ARAP2: variants seen among roughly 807,000 people sequenced by gnomAD.
The protein encoded by ARAP2 is arf-GAP with Rho-GAP domain, ANK repeat and PH domain-containing protein 2.
In ARAP2, 148 loss-of-function variants were observed where a neutral mutation model predicts 194.5. The observed-to-expected ratio is 0.76, with a 90% confidence interval of 0.67 to 0.87. ARAP2 has a LOEUF of 0.87. Ranked by LOEUF, ARAP2 falls within the 40% of genes least tolerant of loss-of-function variation. The pLI is 0.00. For missense variants in ARAP2, 2,128 were observed against 1,989.7 expected, an observed-to-expected ratio of 1.07 and a Z score of -1.32; for synonymous variants, 695 against 683.5, an observed-to-expected ratio of 1.02 and a Z score of -0.26.
intron 6 of ARAP2, among the ~76,000 whole-genome samples, chr4:36,208,943 G>A (rs1746146559): frequency 6.6e-6 from 1 of 152,108 alleles, no homozygotes. Flanking sequence ...AGAATAGAAA[G>A]AATGGAAAGT....
At chr4:36,014,283 A>AG (rs1240394949) in intron 8 of ARAP2, among the ~76,000 whole-genome samples, 9 of 144,900 alleles carry the variant, frequency 6.2e-5, no homozygotes, top group Admixed American at 1.4e-4. Flanking sequence ...GAAAGAAAGA[A>AG]AGAAAGAAAG....
chr4:36,038,431 C>T (rs762669203), intron 5 of ARAP2, among the ~76,000 whole-genome samples: 28 of 152,132 alleles, frequency 1.8e-4, no homozygotes, highest in Non-Finnish European at 3.2e-4. Context: ...TGTAAAATAG[C>T]ACCTATATTT....
rs896667372 is a variant in ARAP2 at position 36,196,359 on chromosome 4, C to G, written c.1488-2712G>C. ...TCATGTGTTAGGCTTAAGGATCAGT[C>G]GAAGATGCAGCATCTGACTAGCTAC... On this transcript the variant is annotated intron_variant, in intron 6 of 32. Transcript: ENST00000303965. Among the ~76,000 whole-genome samples the G allele has an allele frequency of 2.0e-5, 3 of 152,222 alleles. No homozygotes were observed. In the South Asian group the frequency reaches 6.2e-4, roughly 32 times the overall value.
At chr4:36,218,496 T>C (rs1216828634) in intron 2 of ARAP2, among the ~76,000 whole-genome samples, 1 of 151,246 alleles carries the variant, frequency 6.6e-6, no homozygotes, top group African/African-American at 2.4e-5. Flanking sequence ...CCTATAGCAA[T>C]GAGGAAAGTA....
chr4:36,049,062 T>G (rs976479049), intron 3 of ARAP2, among the ~76,000 whole-genome samples: 2 of 152,082 alleles, frequency 1.3e-5, no homozygotes, highest in African/African-American at 4.8e-5. Flanking sequence ...CCCAGCTTTG[T>G]TCTTCTTTCT....
At chr4:36,231,354 A>C (rs1751424021) in intron 1 of ARAP2, among the ~76,000 whole-genome samples, 1 of 151,922 alleles carries the variant, frequency 6.6e-6, no homozygotes, top group South Asian at 2.1e-4. Context: ...TAAATAAATA[A>C]ATAAATAAAA....
intron 5 of ARAP2, among the ~76,000 whole-genome samples, chr4:36,035,134 T>A (rs996512895): frequency 1.3e-5 from 2 of 152,068 alleles, no homozygotes; most frequent in Non-Finnish European, 2.9e-5. Flanking sequence ...CTTCTTTTTT[T>A]AATAATAGTT....
chr4:36,145,232 T>C (rs548914151), intron 19 of ARAP2, among the ~76,000 whole-genome samples: 4 of 152,110 alleles, frequency 2.6e-5, no homozygotes, highest in East Asian at 3.9e-4. Context: ...TGAACTCATA[T>C]GTTTATCACA....
intron 5 of ARAP2, among the ~76,000 whole-genome samples, chr4:36,037,171 G>C (rs752970247): frequency 1.3e-5 from 2 of 152,144 alleles, no homozygotes; most frequent in Non-Finnish European, 2.9e-5. Context: ...AAAAAGAAAA[G>C]TAGCCTAGGA....
rs79860055 is a variant in ARAP2, at chr4:36,128,610, A to G, written c.3563T>C (p.Val1188Ala). Residue 1188 changes from valine to alanine, a missense_variant, in exon 21 of 33, where the codon GTG (valine) becomes GCG (alanine). By Grantham distance (64) the Val-to-Ala change is moderately conservative. Transcript: ENST00000303965. ...AATGTCAGAGAGAAAACTTTTCAAC[A>G]CAGCCGTCACATCTTCAAGCTGATG... ...GKHQLEDVTA[V>A]LKSFLSDIDD... is the part of the protein sequence containing the mutation. The G allele has an allele frequency of 6.2e-7, 1 of 1,613,014 alleles. No homozygotes were observed. The highest frequency in any genetic ancestry group is 8.5e-7 in the Non-Finnish European group (1 of 1,179,574).
At chr4:36,156,374 G>GGAGGGAGT (rs1201160248) in intron 15 of ARAP2, among the ~76,000 whole-genome samples, 1 of 20,812 alleles carries the variant, frequency 4.8e-5, no homozygotes, top group Non-Finnish European at 8.6e-5. Flanking sequence ...AGGGAGGGAG[G>GGAGGGAGT]GGGAAAGAGA....
At position 36,117,045 on chromosome 4, in the gene ARAP2, C is replaced by T; in HGVS notation, c.4038+16G>A. The stretch of plus-strand genomic sequence containing the variant: ...GACTTCCAACAGTCCTCTTTACATC[C>T]ACCTTTAGAACTTACCCGAATTATA... On this transcript the variant is annotated intron_variant, in intron 25 of 32. Transcript: ENST00000303965. 1 of 1,533,018 alleles carries T rather than the reference C, an allele frequency of 6.5e-7. No individual in the cohort carries two copies. Among genetic ancestry groups the T allele is most frequent in the Non-Finnish European group, 8.8e-7 (1 of 1,139,246 alleles). 95.0% of individuals were successfully genotyped at this position (1,533,018 alleles called of 1,614,324 possible).
intron 31 of ARAP2, among the ~76,000 whole-genome samples, chr4:36,080,001 G>A (rs560254446): frequency 1.6e-4 from 25 of 152,152 alleles, no homozygotes; most frequent in African/African-American, 3.4e-4. Flanking sequence ...CAGAAAAGAC[G>A]CTTTAATGGA....
intron 2 of ARAP2, among the ~76,000 whole-genome samples, chr4:36,223,065 CAT>C (rs530206279): frequency 3.4e-4 from 52 of 152,146 alleles, no homozygotes; most frequent in African/African-American, 1.3e-3. Context: ...CCATCATAAA[CAT>C]ATCCAGGTAA....
intron 8 of ARAP2, among the ~76,000 whole-genome samples, chr4:36,014,919 G>A (rs1715514059): frequency 6.6e-6 from 1 of 152,134 alleles, no homozygotes; most frequent in Non-Finnish European, 1.5e-5. Context: ...TAACATATAG[G>A]CCATAGTGCA....
At chr4:36,118,910 AC>A (rs1214588653) in intron 24 of ARAP2, among the ~76,000 whole-genome samples, 4 of 151,400 alleles carry the variant, frequency 2.6e-5, no homozygotes, top group African/African-American at 9.7e-5. Flanking sequence ...ATATTTCAGG[AC>A]TGAGGAGAAT....
intron 28 of ARAP2, among the ~76,000 whole-genome samples, chr4:36,087,841 A>G (rs2109368697): frequency 6.6e-6 from 1 of 152,176 alleles, no homozygotes; most frequent in African/African-American, 2.4e-5. Flanking sequence ...TTCTGCATAG[A>G]GCCTTTGGAG....
chr4:36,187,727 T>C (rs965745669), intron 7 of ARAP2, among the ~76,000 whole-genome samples, 156 bp from the exon 8 acceptor site: 7 of 152,244 alleles, frequency 4.6e-5, no homozygotes, highest in African/African-American at 1.7e-4. Flanking sequence ...CATATTCTCA[T>C]GTAATACCCT....
intron 19 of ARAP2, among the ~76,000 whole-genome samples, chr4:36,136,427 C>A (rs1726710617): frequency 6.6e-6 from 1 of 151,602 alleles, no homozygotes; most frequent in African/African-American, 2.4e-5. Context: ...ACCTTAGAAA[C>A]CAAGTCCTAG....
Sources: allele counts gnomAD v4.1 joint callset (sites outside exome capture counted in the v4.1 genomes callset), GRCh38; gene constraint gnomAD v4.1.1; transcripts MANE v1.5; gene names NCBI Gene and HGNC (gene_info 2026-07-23, HGNC 2026-07-21).